The following PLCL2 variants were observed in gnomAD, a reference collection of about 807,000 sequenced individuals.
The protein encoded by PLCL2 is phospholipase C like 2.
A neutral mutation model predicts 79.6 loss-of-function variants in PLCL2; 4 were observed. The ratio of observed to expected loss-of-function variants is 0.05; its 90% confidence interval spans 0.02 to 0.11. PLCL2 has a LOEUF of 0.11. PLCL2 is among the 10% of genes least tolerant of loss of function. PLCL2 has a pLI of 1.00. For missense variants in PLCL2, 895 were observed against 1,291.0 expected (o/e 0.69, Z 4.70); for synonymous variants, 484 against 457.7 (o/e 1.06, Z -0.73).
At chr3:16,976,181 A>G (rs1306412003) in intron 1 of PLCL2, among the ~76,000 whole-genome samples, 2 of 152,050 alleles carry the variant, frequency 1.3e-5, no homozygotes, top group African/African-American at 4.8e-5. Context: ...GAAAAACAGA[A>G]CCAATATGAT....
At chr3:17,006,479 A>G (rs1308694970) in intron 1 of PLCL2, among the ~76,000 whole-genome samples, 4 of 152,222 alleles carry the variant, frequency 2.6e-5, no homozygotes, top group African/African-American at 9.6e-5. Flanking sequence ...GCAAGCTCAC[A>G]TCTGTTCTCT....
At chr3:16,993,895 A>T (rs1013554287) in intron 1 of PLCL2, among the ~76,000 whole-genome samples, 4 of 152,164 alleles carry the variant, frequency 2.6e-5, no homozygotes, top group African/African-American at 7.2e-5. Flanking sequence ...CCTCTTAATC[A>T]TATGTTCTGT....
intron 1 of PLCL2, among the ~76,000 whole-genome samples, chr3:16,977,100 T>G (rs1361610608): frequency 6.6e-6 from 1 of 151,922 alleles, no homozygotes; most frequent in Non-Finnish European, 1.5e-5. Flanking sequence ...GGTGTTGGAG[T>G]AGCCATTGAA....
chr3:16,891,016 C>T (rs1202956668), intron 1 of PLCL2, among the ~76,000 whole-genome samples: 1 of 152,238 alleles, frequency 6.6e-6, no homozygotes, highest in Non-Finnish European at 1.5e-5. Context: ...TTACCACTAG[C>T]ACTTGGTCCC....
intron 1 of PLCL2, among the ~76,000 whole-genome samples, chr3:16,986,309 C>G (rs1482647525): frequency 2.0e-5 from 3 of 152,040 alleles, no homozygotes; most frequent in Non-Finnish European, 4.4e-5. Context: ...CTGGGCCTGG[C>G]ACACCATAAT....
chr3:17,082,564 T>C (rs2065175285), intron 5 of PLCL2, among the ~76,000 whole-genome samples: 1 of 152,198 alleles, frequency 6.6e-6, no homozygotes, highest in South Asian at 2.1e-4. Context: ...TTATTGCCTT[T>C]GGGAGTCCTT....
chr3:16,966,228 A>G (rs80219889), intron 1 of PLCL2, among the ~76,000 whole-genome samples: 17,679 of 107,764 alleles, frequency 0.16, 2,214 homozygotes, highest in Non-Finnish European at 0.19. Context: ...TTAGCATGAA[A>G]GGCTGTTGAA....
At chr3:16,980,778 G>A (rs2063984367) in intron 1 of PLCL2, among the ~76,000 whole-genome samples, 2 of 152,350 alleles carry the variant, frequency 1.3e-5, no homozygotes, top group African/African-American at 4.8e-5. Context: ...GGGAGGCCAA[G>A]GCAGGCTGCT....
At chr3:17,029,333 G>A (rs576775629) in intron 3 of PLCL2, among the ~76,000 whole-genome samples, 8 of 149,156 alleles carry the variant, frequency 5.4e-5, no homozygotes, top group Non-Finnish European at 1.0e-4. Context: ...TTAAAGATTC[G>A]TATGCCCTTA....
chr3:16,936,880 C>A (rs188817644), intron 1 of PLCL2, among the ~76,000 whole-genome samples: 1 of 151,964 alleles, frequency 6.6e-6, no homozygotes, highest in African/African-American at 2.4e-5. Context: ...TCCAGGTGTA[C>A]GTATTAACCC....
chr3:16,959,181 C>T (rs1215742975), intron 1 of PLCL2, among the ~76,000 whole-genome samples: 1 of 152,192 alleles, frequency 6.6e-6, no homozygotes, highest in Non-Finnish European at 1.5e-5. Flanking sequence ...TTCTGCCATA[C>T]ACCCAGGCTT....
intron 4 of PLCL2, among the ~76,000 whole-genome samples, chr3:17,052,646 C>T (rs1263939568): frequency 1.3e-5 from 2 of 152,072 alleles, no homozygotes; most frequent in African/African-American, 4.8e-5. Context: ...CCCTGCCTTT[C>T]CTTCTGCCTC....
rs1342676429 is a variant in PLCL2, at chr3:16,887,175, A to C, written c.327+1809A>C. Among the ~76,000 whole-genome samples the C allele has an allele frequency of 3.3e-5, 5 of 152,220 alleles. No individual in the cohort carries two copies. Among genetic ancestry groups the C allele is most frequent in the African/African-American group, 1.2e-4 (5 of 41,448 alleles). On this transcript the variant is annotated intron_variant, in intron 1 of 5. Transcript: ENST00000615277. This position sits in a 1 kb window ranked among gnomAD's most constrained non-coding sequence, Gnocchi z 4.1. ...CATGGGGGAAATGATTAATGTTCAAAAATCACTGATTTTAGAAATGATATT... is the reference window on the plus strand; with the variant it reads ...CATGGGGGAAATGATTAATGTTCAACAATCACTGATTTTAGAAATGATATT...
At chr3:16,918,924 G>T (rs564681538) in intron 1 of PLCL2, among the ~76,000 whole-genome samples, 179 of 152,278 alleles carry the variant, frequency 1.2e-3, no homozygotes, top group Non-Finnish European at 1.7e-3. Flanking sequence ...TTGACAGCAT[G>T]TATAAACTTG....
chr3:17,063,963 A>G (rs937366718), intron 4 of PLCL2, among the ~76,000 whole-genome samples: 12 of 152,236 alleles, frequency 7.9e-5, no homozygotes, highest in Admixed American at 5.2e-4. Flanking sequence ...TTCGCCAGCT[A>G]CTTTAAAATT....
intron 3 of PLCL2, among the ~76,000 whole-genome samples, chr3:17,034,519 T>G (rs111896777): frequency 6.6e-6 from 1 of 152,354 alleles, no homozygotes; most frequent in African/African-American, 2.4e-5. Context: ...ATTTTCATTT[T>G]GCAAACATTT....
At chr3:16,948,165 A>G (rs1207075022) in intron 1 of PLCL2, among the ~76,000 whole-genome samples, 2 of 152,238 alleles carry the variant, frequency 1.3e-5, no homozygotes, top group African/African-American at 2.4e-5. Flanking sequence ...TATCCATACC[A>G]TGGAATATTT....
At chr3:16,973,188 T>A (rs760821029) in intron 1 of PLCL2, among the ~76,000 whole-genome samples, 1 of 152,118 alleles carries the variant, frequency 6.6e-6, no homozygotes. Context: ...GATAATAGAT[T>A]TCCTTAACAT....
At chr3:17,068,419 A>G (rs1232616918) in intron 5 of PLCL2, among the ~76,000 whole-genome samples, 1 of 152,248 alleles carries the variant, frequency 6.6e-6, no homozygotes, top group African/African-American at 2.4e-5. Context: ...TAAAGATTCT[A>G]GTTACTCAAA....
Sources: gnomAD v4.1 joint callset for allele counts (sites outside exome capture counted in the v4.1 genomes callset) on GRCh38, gnomAD v4.1.1 for gene constraint, Gnocchi (gnomAD v3.1) non-coding constraint, MANE v1.5 for transcripts, NCBI Gene and HGNC (gene_info 2026-07-23, HGNC 2026-07-21) for gene names.